The following ADGRL2 variants were observed in gnomAD, a reference collection of about 807,000 sequenced individuals.
ADGRL2 encodes the protein adhesion G protein-coupled receptor L2, also known as calcium-independent alpha-latrotoxin receptor 2.
In ADGRL2, 44 loss-of-function variants were observed where a neutral mutation model predicts 157.4. The observed-to-expected ratio is 0.28, with a 90% CI of 0.22 to 0.36. The LOEUF (loss-of-function observed/expected upper bound fraction) is 0.36, where lower values mean the gene tolerates loss of function less well. Among genes scored for constraint, ADGRL2 ranks in the 10% least tolerant of loss-of-function variants. The probability of loss-of-function intolerance (pLI) is 1.00; values close to 1 mark genes in which losing one functional copy is unlikely to be tolerated. For synonymous variants in ADGRL2, 585 were observed against 624.7 expected (o/e 0.94, Z 0.95); for missense variants, 1,510 against 1,768.9 (o/e 0.85, Z 2.63).
intron 2 of ADGRL2, among the ~76,000 whole-genome samples, chr1:81,777,885 AGT>A (rs1323722525): frequency 6.6e-6 from 1 of 152,162 alleles, no homozygotes; most frequent in Non-Finnish European, 1.5e-5. Context: ...GCTTTATCTC[AGT>A]CACTGATATG....
At chr1:81,435,044 T>C (rs2077385053) in intron 1 of ADGRL2, among the ~76,000 whole-genome samples, 1 of 152,232 alleles carries the variant, frequency 6.6e-6, no homozygotes, top group Non-Finnish European at 1.5e-5. Context: ...GTAAACTTTA[T>C]TGACATGAAT....
At chr1:81,836,075 A>C (rs1256218689) in intron 1 of ADGRL2, among the ~76,000 whole-genome samples, 1 of 151,942 alleles carries the variant, frequency 6.6e-6, no homozygotes, top group Non-Finnish European at 1.5e-5. Flanking sequence ...TTGTTTTCTA[A>C]ATTTTCTTTA....
rs529721131 is a variant in ADGRL2, at chr1:81,580,080, C to T, written c.-247-796C>T. 5.3e-5 allele frequency among the ~76,000 whole-genome samples: 8 copies of T among 152,164 alleles called. No individual in the cohort carries two copies. The East Asian group carries it at 1.2e-3, about 22-fold the overall frequency. On this transcript the variant is annotated intron_variant, in intron 2 of 24. Coordinates refer to the ADGRL2 transcript ENST00000370721. ...GTTGTCAATTCTACATAGTGAATGC[C>T]TCATAAGGGGCTCGTTTGTGGTTGA...
upstream of ADGRL2, among the ~76,000 whole-genome samples, chr1:81,699,358 A>G (rs928271260): frequency 6.6e-6 from 1 of 152,226 alleles, no homozygotes; most frequent in Non-Finnish European, 1.5e-5. Flanking sequence ...CCCAATCCTG[A>G]TTCAGCAAAT....
intron 2 of ADGRL2, among the ~76,000 whole-genome samples, chr1:81,516,119 C>T (rs2079172029): frequency 6.6e-6 from 1 of 152,156 alleles, no homozygotes; most frequent in Non-Finnish European, 1.5e-5. Context: ...TCCTTCAAAT[C>T]TTTGCCAGTG....
chr1:81,670,988 G>T (rs2082863329), intron 3 of ADGRL2, among the ~76,000 whole-genome samples: 3 of 152,226 alleles, frequency 2.0e-5, no homozygotes, highest in Non-Finnish European at 4.4e-5. Context: ...GGGACTACAG[G>T]CTTGAGCCGT....
chr1:81,548,299 T>C (rs1396618959), intron 2 of ADGRL2, among the ~76,000 whole-genome samples: 2 of 152,080 alleles, frequency 1.3e-5, no homozygotes, highest in African/African-American at 2.4e-5. Context: ...AGGGTCATAA[T>C]TGACAGCTGA....
chr1:81,367,829 G>C (rs1207788272), intron 1 of ADGRL2, among the ~76,000 whole-genome samples: 1 of 152,164 alleles, frequency 6.6e-6, no homozygotes, highest in African/African-American at 2.4e-5. Context: ...TGAGATTACA[G>C]ATGTGAGCCA....
intron 2 of ADGRL2, among the ~76,000 whole-genome samples, chr1:81,466,674 C>T (rs904322714): frequency 4.6e-5 from 2 of 43,282 alleles, no homozygotes; most frequent in East Asian, 1.2e-3. Flanking sequence ...CTCTCTCACG[C>T]GCGCGCACAC....
At chr1:81,609,001 AGAG>A (rs2081488935) in intron 3 of ADGRL2, among the ~76,000 whole-genome samples, 1 of 151,910 alleles carries the variant, frequency 6.6e-6, no homozygotes, top group African/African-American at 2.4e-5. Context: ...GGCGGGATGG[AGAG>A]GAGAACTAAA....
intron 3 of ADGRL2, among the ~76,000 whole-genome samples, chr1:81,928,317 CT>C (rs2095155450): frequency 6.6e-6 from 1 of 152,068 alleles, no homozygotes; most frequent in Non-Finnish European, 1.5e-5. Context: ...TGACAGGGTT[CT>C]CTGAGAATCA....
At chr1:81,595,086 C>A (rs1470606984) in intron 3 of ADGRL2, among the ~76,000 whole-genome samples, 3 of 138,622 alleles carry the variant, frequency 2.2e-5, no homozygotes, top group Non-Finnish European at 4.9e-5. Context: ...AGGTGACAGA[C>A]ACCTCTACAG....
At chr1:81,909,664 T>A (rs77300120) in intron 3 of ADGRL2, among the ~76,000 whole-genome samples, 2,056 of 152,190 alleles carry the variant, frequency 0.014, 18 homozygotes, top group Non-Finnish European at 0.021. Context: ...AGTATACAGA[T>A]AGTTAAGGTA....
intron 3 of ADGRL2, among the ~76,000 whole-genome samples, chr1:81,676,258 C>G (rs1488115440): frequency 6.6e-6 from 1 of 152,100 alleles, no homozygotes; most frequent in East Asian, 1.9e-4. Flanking sequence ...ATCTGCCCGC[C>G]TCGGCCTCCC....
Position 81,510,977 on chromosome 1 carries a change from T to C in ADGRL2, c.-248+65888T>C, listed in dbSNP as rs77903631. Among the ~76,000 whole-genome samples, 791 of 152,292 alleles carry C rather than the reference T, an allele frequency of 5.2e-3. 8 individuals carry two copies. The highest frequency in any genetic ancestry group is 0.018 in the African/African-American group (756 of 41,574). ...AGCTTAATCATATTAACTCTGAATA[T>C]AATCAAAGCTTCAAAGTTTAACTCT... On this transcript the variant is annotated intron_variant, in intron 2 of 24. Coordinates refer to the ADGRL2 transcript ENST00000370721.
At chr1:81,857,057 T>G (rs1431692397) in intron 2 of ADGRL2, among the ~76,000 whole-genome samples, 1 of 152,162 alleles carries the variant, frequency 6.6e-6, no homozygotes, top group Admixed American at 6.6e-5. Context: ...ATCACTGTAG[T>G]AGGTGCTTTT....
At chr1:81,477,328 TA>T (rs1338993073) in intron 2 of ADGRL2, among the ~76,000 whole-genome samples, 1 of 152,206 alleles carries the variant, frequency 6.6e-6, no homozygotes, top group Non-Finnish European at 1.5e-5. Flanking sequence ...TGACAGCCAA[TA>T]ATATTTTCAT....
intron 3 of ADGRL2, among the ~76,000 whole-genome samples, chr1:81,609,463 G>A (rs2148663981): frequency 6.6e-6 from 1 of 152,302 alleles, no homozygotes; most frequent in Non-Finnish European, 1.5e-5. Flanking sequence ...TGAGATGGAA[G>A]AAAGTGAGCT....
At chr1:81,887,773 A>T (rs541959029) in intron 2 of ADGRL2, among the ~76,000 whole-genome samples, 166 of 152,346 alleles carry the variant, frequency 1.1e-3, no homozygotes, top group African/African-American at 3.9e-3. Context: ...TGAGAGACTA[A>T]TACCTATATA....
Sources: allele counts gnomAD v4.1 joint callset (sites outside exome capture counted in the v4.1 genomes callset), GRCh38; gene constraint gnomAD v4.1.1; transcripts MANE v1.5; gene names NCBI Gene and HGNC (gene_info 2026-07-23, HGNC 2026-07-21).